Variants in ARHGAP17 observed in about 807,000 individuals in gnomAD.
The protein encoded by ARHGAP17 is rho GTPase-activating protein 17.
A neutral mutation model predicts 99.5 loss-of-function variants in ARHGAP17; 57 were observed. The ratio of observed to expected loss-of-function variants is 0.57; its 90% CI spans 0.46 to 0.71. ARHGAP17 has a LOEUF of 0.71. Among genes scored for constraint, ARHGAP17 ranks in the 30% least tolerant of loss-of-function variants. The probability of loss-of-function intolerance (pLI) is 0.00; values close to 1 mark genes in which losing one functional copy is unlikely to be tolerated. For missense variants in ARHGAP17, 1,000 were observed against 1,122.4 expected, an observed-to-expected ratio of 0.89 and a Z score of 1.56; for synonymous variants, 417 against 429.6, an observed-to-expected ratio of 0.97 and a Z score of 0.36.
chr16:24,947,053 G>C (rs1597388461), intron 14 of ARHGAP17, among the ~76,000 whole-genome samples: 1 of 152,250 alleles, frequency 6.6e-6, no homozygotes, highest in East Asian at 1.9e-4. Flanking sequence ...TGGCTTCTCT[G>C]CTGGGCATTA....
At chr16:24,994,680 C>T (rs751962733) in intron 1 of ARHGAP17, among the ~76,000 whole-genome samples, 9 of 152,122 alleles carry the variant, frequency 5.9e-5, no homozygotes, top group Non-Finnish European at 1.3e-4. Flanking sequence ...AGTATTATTA[C>T]CCCCGTGTTA....
chr16:24,946,539 A>G (rs988699103), intron 14 of ARHGAP17, among the ~76,000 whole-genome samples: 1 of 151,258 alleles, frequency 6.6e-6, no homozygotes, highest in Non-Finnish European at 1.5e-5. Context: ...CGCTATCCCA[A>G]AATATGCTCC....
At chr16:24,944,165 G>A (rs568824466) in intron 14 of ARHGAP17, among the ~76,000 whole-genome samples, 49 of 151,916 alleles carry the variant, frequency 3.2e-4, no homozygotes, top group African/African-American at 1.1e-3. Flanking sequence ...CAGCTACTCG[G>A]GAGGCTGAGG....
chr16:25,009,091 C>T (rs985061696), intron 1 of ARHGAP17, among the ~76,000 whole-genome samples: 5 of 152,110 alleles, frequency 3.3e-5, no homozygotes, highest in South Asian at 4.1e-4. Flanking sequence ...AGTGGGCAGG[C>T]GTGGTGGCTC....
At chr16:25,005,112 T>C (rs2053471073) in intron 1 of ARHGAP17, among the ~76,000 whole-genome samples, 3 of 152,212 alleles carry the variant, frequency 2.0e-5, no homozygotes, top group South Asian at 2.1e-4. Flanking sequence ...GATGGGGTTT[T>C]ACCATATTGG....
chr16:24,933,751 G>A (rs1050643614), intron 18 of ARHGAP17, among the ~76,000 whole-genome samples: 2 of 152,080 alleles, frequency 1.3e-5, no homozygotes, highest in Non-Finnish European at 2.9e-5. Context: ...GTGTCAGGGG[G>A]AGGGGGCTGG....
chr16:24,942,491 G>A (rs1055771498), intron 15 of ARHGAP17, among the ~76,000 whole-genome samples: 1 of 152,198 alleles, frequency 6.6e-6, no homozygotes, highest in Non-Finnish European at 1.5e-5. Context: ...ATTTAGCTGG[G>A]TGTGGTGGCT....
chr16:25,003,400 A>G (rs1279577546), intron 1 of ARHGAP17, among the ~76,000 whole-genome samples: 1 of 151,682 alleles, frequency 6.6e-6, no homozygotes, highest in Non-Finnish European at 1.5e-5. Flanking sequence ...ATGCCTGGCT[A>G]ATTTTGGCAT....
intron 1 of ARHGAP17, among the ~76,000 whole-genome samples, chr16:25,008,498 AAC>A (rs2053562846): frequency 6.6e-6 from 1 of 152,220 alleles, no homozygotes; most frequent in South Asian, 2.1e-4. Context: ...AGAAAATACA[AAC>A]ACAGCGAACA....
rs900083385 is a variant in ARHGAP17 at position 24,930,859 on chromosome 16, G to C, written c.2440C>G (p.Gln814Glu). ...CCAGCTGAGTGGACACCAGGAGGTT[G>C]GGGGGGTGGGGGCACGCTGGGCCGG... The part of the protein sequence containing the change: ...RNRPSVPPPP[Q>E]PPGVHSAGDS... The change falls in exon 19 of 20, where the codon CAA becomes GAA. Residue 814 changes from glutamine to glutamate, a missense_variant. Gln to Glu is a conservative substitution (Grantham distance 29). Coordinates refer to ENST00000289968, the MANE Select transcript of ARHGAP17 (RefSeq NM_001006634.3). 6.2e-7 allele frequency: 1 copy of C among 1,613,666 alleles called. No homozygotes were observed. Among genetic ancestry groups the C allele is most frequent in the African/African-American group, 1.3e-5 (1 of 74,844 alleles).
chr16:24,998,698 C>G lies in ARHGAP17; in HGVS notation c.53+16511G>C, dbSNP rs118095425. 1.2e-3 allele frequency among the ~76,000 whole-genome samples: 186 copies of G among 152,364 alleles called. 3 individuals carry two copies. The East Asian group carries it at 0.029, about 24-fold the overall frequency. Reference sequence around the variant, plus strand: ...GCCATGAAATGCTGGCAGCCCCACACTGCACGACTGCAGGGTCTTTCTGGG... The same window carrying G: ...GCCATGAAATGCTGGCAGCCCCACAGTGCACGACTGCAGGGTCTTTCTGGG... On this transcript the variant is annotated intron_variant, in intron 1 of 19. Coordinates refer to ENST00000289968, the MANE Select transcript of ARHGAP17 (RefSeq NM_001006634.3).
intron 12 of ARHGAP17, among the ~76,000 whole-genome samples, chr16:24,950,916 T>C (rs1383003106): frequency 6.7e-6 from 1 of 150,136 alleles, no homozygotes; most frequent in Non-Finnish European, 1.5e-5. Context: ...TCACATCCAC[T>C]GAAGTGTAAC....
chr16:24,943,743 C>G, intron 15 of ARHGAP17, 28 bp downstream of exon 15: 1 of 1,586,950 alleles, frequency 6.3e-7, no homozygotes, highest in Non-Finnish European at 8.7e-7. Context: ...ATTGCTTTGG[C>G]GGTCAATGAA....
At chr16:24,956,496 C>G (rs561843216) in intron 9 of ARHGAP17, 1 of 152,344 alleles carries the variant, frequency 6.6e-6, no homozygotes, top group South Asian at 2.1e-4. Flanking sequence ...CATGTAAACA[C>G]AGAACAGTCA....
At chr16:24,937,637 A>G (rs1203291422) in intron 17 of ARHGAP17, among the ~76,000 whole-genome samples, 1 of 152,130 alleles carries the variant, frequency 6.6e-6, no homozygotes, top group Non-Finnish European at 1.5e-5. Flanking sequence ...TTTTAACCCC[A>G]AAGTAAACTT....
intron 7 of ARHGAP17, among the ~76,000 whole-genome samples, chr16:24,963,777 A>G (rs2052087415): frequency 6.6e-6 from 1 of 152,244 alleles, no homozygotes; most frequent in South Asian, 2.1e-4. Context: ...CATTTACTGT[A>G]TATTAAATTT....
intron 18 of ARHGAP17, among the ~76,000 whole-genome samples, chr16:24,931,774 A>G (rs1460338331): frequency 6.6e-6 from 1 of 152,204 alleles, no homozygotes; most frequent in African/African-American, 2.4e-5. Context: ...GAAAATGGAC[A>G]TGAGTGGAAA....
intron 1 of ARHGAP17, among the ~76,000 whole-genome samples, chr16:24,982,501 A>G (rs188811505): frequency 1.0e-3 from 152 of 152,348 alleles, no homozygotes; most frequent in Middle Eastern, 6.8e-3. Context: ...GTGACAAATC[A>G]TGACTATGGA....
At chr16:25,006,939 T>C (rs959188818) in intron 1 of ARHGAP17, among the ~76,000 whole-genome samples, 1 of 152,152 alleles carries the variant, frequency 6.6e-6, no homozygotes, top group Non-Finnish European at 1.5e-5. Context: ...GTGATAGTTA[T>C]GGGGCTGAGA....
Sources: gnomAD v4.1 joint callset for allele counts (sites outside exome capture counted in the v4.1 genomes callset) on GRCh38, gnomAD v4.1.1 for gene constraint, MANE v1.5 for transcripts, NCBI Gene and HGNC (gene_info 2026-07-23, HGNC 2026-07-21) for gene names.